Variants in FBXO41 observed in about 807,000 individuals in gnomAD.
The protein encoded by FBXO41 is F-box protein 41.
FBXO41 carries 33 observed loss-of-function variants against 81.6 expected under a neutral mutation model. The ratio of observed to expected loss-of-function variants is 0.40; its 90% confidence interval spans 0.31 to 0.54. The LOEUF (loss-of-function observed/expected upper bound fraction) is 0.54, where lower values mean the gene tolerates loss of function less well. Among genes scored for constraint, FBXO41 ranks in the 20% least tolerant of loss-of-function variants. The probability of loss-of-function intolerance (pLI) is 0.39; values close to 1 mark genes in which losing one functional copy is unlikely to be tolerated. For missense variants in FBXO41, 1,107 were observed against 1,236.0 expected (o/e 0.90, Z 1.56); for synonymous variants, 576 against 552.7 (o/e 1.04, Z -0.59).
At chr2:73,268,690 G>C in intron 2 of FBXO41, 36 bp downstream of exon 2, 1 of 1,486,282 alleles carries the variant, frequency 6.7e-7, no homozygotes, top group South Asian at 1.4e-5. Context: ...ACCCGCACAG[G>C]CACAACCACT....
At chr2:73,264,973 G>A (rs1028194535) in intron 5 of FBXO41, among the ~76,000 whole-genome samples, 1 of 152,074 alleles carries the variant, frequency 6.6e-6, no homozygotes, top group Non-Finnish European at 1.5e-5. Flanking sequence ...ACGGTGGGGG[G>A]CCTCTCCCCC....
At chr2:73,278,983 T>A (rs1242664444) in intron 1 of FBXO41, among the ~76,000 whole-genome samples, 1 of 152,174 alleles carries the variant, frequency 6.6e-6, no homozygotes, top group African/African-American at 2.4e-5. Context: ...AAGGGCTTGA[T>A]CAGATTTACA....
At chr2:73,270,923 C>T in intron 1 of FBXO41, 1 of 534,526 alleles carries the variant, frequency 1.9e-6, no homozygotes, top group South Asian at 1.4e-5. Flanking sequence ...CATCAAGGGT[C>T]TTCACCTACT....
intron 1 of FBXO41, among the ~76,000 whole-genome samples, chr2:73,275,499 C>T (rs1189350427): frequency 2.0e-5 from 3 of 151,976 alleles, no homozygotes; most frequent in African/African-American, 7.3e-5. Context: ...CATTTTATAA[C>T]CCAGCTAGAA....
At position 73,258,820 on chromosome 2, in the gene FBXO41, TCTGCTGCTCCAGGAGGA is replaced by T; in HGVS notation, c.*145_*161del. On this transcript the variant is annotated 3_prime_UTR_variant, in exon 13 of 13. Transcript: ENST00000520530. ...CAGTGCCCTGGGTCAGGCCTGTTGC[TCTGCTGCTCCAGGAGGA>T]GGACAGGAGACTTGACAGTCCCCCT... The T allele has an allele frequency of 1.3e-6, 1 of 787,518 alleles. No individual in the cohort carries two copies. The highest frequency in any genetic ancestry group is 2.0e-6 in the Non-Finnish European group (1 of 510,364). 48.8% of individuals were successfully genotyped at this position (787,518 alleles called of 1,614,324 possible).
In FBXO41 at chr2:73,260,289, G is replaced by T; in HGVS notation, c.2449+100C>A. On this transcript the variant is annotated intron_variant, in intron 11 of 12. Coordinates refer to ENST00000520530, the MANE Select transcript of FBXO41 (RefSeq NM_001371389.2). This position sits in a 1 kb window ranked among gnomAD's most constrained non-coding sequence, Gnocchi z 5.0. ...CCCCCTGCCTCTGCCCTTGGCTGGA[G>T]ACTCTGATCCATCTGCCCCAGTGAT... 6.9e-7 allele frequency: 1 copy of T among 1,451,688 alleles called. No individual in the cohort carries two copies. Among genetic ancestry groups the T allele is most frequent in the East Asian group, 2.5e-5 (1 of 40,260 alleles). The allele number at this position is 1,451,688 out of a possible 1,614,324, so 89.9% of individuals were successfully genotyped here. A position where few individuals can be genotyped will look rare whatever the true frequency, so the allele number is the denominator to read the frequency against.
rs1031640859 is a variant in FBXO41 at position 73,258,059 on chromosome 2, A to G, written c.*923T>C. The G allele has an allele frequency of 6.6e-6, 1 of 152,260 alleles. No individual in the cohort carries two copies. The highest frequency in any genetic ancestry group is 1.5e-5 in the Non-Finnish European group (1 of 68,072). The allele number at this position is 152,260 out of a possible 1,614,324, so 9.4% of individuals were successfully genotyped here. A position where few individuals can be genotyped will look rare whatever the true frequency, so the allele number is the denominator to read the frequency against. ...AGACAGCCTTGGTGACCCGAAGGCC[A>G]TCGGGTTCCTGCCCAAGCACCTGGA... is the stretch of plus-strand genomic sequence containing the variant. On this transcript the variant is annotated 3_prime_UTR_variant, in exon 13 of 13. Transcript: ENST00000520530.
rs1687812857 is a variant in FBXO41 at position 73,256,379 on chromosome 2, C to A, written c.*2603G>T. ...AAAAGCTCCCTACTCAGCAGCAGAG[C>A]TCATCCCCGAGGAGAGAACAAAAGA... On this transcript the variant is annotated 3_prime_UTR_variant, in exon 13 of 13. Transcript: ENST00000520530. 1 of 152,442 alleles carries A rather than the reference C, an allele frequency of 6.6e-6. No homozygotes were observed. Among genetic ancestry groups the A allele is most frequent in the Non-Finnish European group, 1.5e-5 (1 of 68,224 alleles). The allele number at this position is 152,442 out of a possible 1,614,324, so 9.4% of individuals were successfully genotyped here. A position where few individuals can be genotyped will look rare whatever the true frequency, so the allele number is the denominator to read the frequency against.
At chr2:73,274,368 C>T (rs959292219) in intron 1 of FBXO41, among the ~76,000 whole-genome samples, 6 of 152,140 alleles carry the variant, frequency 3.9e-5, no homozygotes, top group Non-Finnish European at 5.9e-5. Context: ...ATTTTCTTAT[C>T]GATTTACAAA....
intron 8 of FBXO41, among the ~76,000 whole-genome samples, 161 bp downstream of exon 8, chr2:73,263,517 C>T (rs1688098048): frequency 6.6e-6 from 1 of 152,030 alleles, no homozygotes; most frequent in African/African-American, 2.4e-5. Flanking sequence ...GAGTCGCCCA[C>T]AGTGGTGGCC....
chr2:73,265,272 C>A lies in FBXO41; in HGVS notation c.1564+10G>T, dbSNP rs371632758. 6.3e-7 allele frequency: 1 copy of A among 1,590,218 alleles called. No individual in the cohort carries two copies. Among genetic ancestry groups the A allele is most frequent in the Non-Finnish European group, 8.5e-7 (1 of 1,170,664 alleles). On this transcript the variant is annotated intron_variant, in intron 5 of 12. Transcript: ENST00000520530. The stretch of plus-strand genomic sequence containing the variant: ...ACCTGTGTCCCCCTGCCCAGCCTTC[C>A]GGGACCTACCTGAGAGCCGGCAGCT...
Position 73,266,331 on chromosome 2 carries a change from C to G in FBXO41, c.1131+126G>C, listed in dbSNP as rs1688274462. The stretch of plus-strand genomic sequence containing the variant: ...GGGGCTCCCCTGTTCCTGGCATCTG[C>G]TGGTGGGGTAAAAGCCAAAGAAGGG... On this transcript the variant is annotated intron_variant, in intron 3 of 12. Transcript: ENST00000520530. The surrounding 1 kb of genome is among the most constrained non-coding windows in gnomAD (Gnocchi z 5.3). The G allele has an allele frequency of 8.6e-7, 1 of 1,161,792 alleles. No individual in the cohort carries two copies. The highest frequency in any genetic ancestry group is 1.2e-6 in the Non-Finnish European group (1 of 843,884). The allele number at this position is 1,161,792 out of a possible 1,614,324, so 72.0% of individuals were successfully genotyped here. A position where few individuals can be genotyped will look rare whatever the true frequency, so the allele number is the denominator to read the frequency against.
At chr2:73,261,465 C>T (rs1381761356) in intron 9 of FBXO41, among the ~76,000 whole-genome samples, 1 of 152,140 alleles carries the variant, frequency 6.6e-6, no homozygotes, top group African/African-American at 2.4e-5. Flanking sequence ...CCCCTCATTC[C>T]TACATCCACT....
intron 8 of FBXO41, 74 bp from the exon 9 acceptor site, chr2:73,263,382 A>G (rs185146871): frequency 4.3e-5 from 52 of 1,208,994 alleles, no homozygotes; most frequent in Non-Finnish European, 5.4e-5. Context: ...TGGGAGGTCA[A>G]GGCCGAGGTT....
chr2:73,263,439 C>T (rs189610781), intron 8 of FBXO41, 131 bp from the exon 9 acceptor site: 69 of 752,834 alleles, frequency 9.2e-5, no homozygotes, highest in Middle Eastern at 3.9e-4. Context: ...GGCAATACGG[C>T]GAGACCCCGT....
rs373913609 is a variant in FBXO41, at chr2:73,259,251, G to A, written c.2495C>T (p.Ala832Val). ...LKSIVVQIGI[A>V]DYFKEPSSPE... ...GCTGCTGGGCTCTTTGAAATAATCC[G>A]CAATCCCAATCTGGACCACAATGGA... is the stretch of plus-strand genomic sequence containing the variant. The change falls in exon 12 of 13, where the codon GCG becomes GTG. Residue 832 changes from alanine (A) to valine (V), a missense_variant. Physicochemically the swap from Ala to Val is moderately conservative, Grantham distance 64. Coordinates refer to ENST00000520530, the MANE Select transcript of FBXO41 (RefSeq NM_001371389.2). This position sits in a 1 kb window ranked among gnomAD's most constrained non-coding sequence, Gnocchi z 4.2. 15 of 1,614,010 alleles carry A rather than the reference G, an allele frequency of 9.3e-6. No individual in the cohort carries two copies. The highest frequency in any genetic ancestry group is 3.3e-5 in the South Asian group (3 of 91,090).
At chr2:73,276,663 G>T (rs1688700039) in intron 1 of FBXO41, among the ~76,000 whole-genome samples, 1 of 149,890 alleles carries the variant, frequency 6.7e-6, no homozygotes, top group African/African-American at 2.5e-5. Context: ...GAAAAAAAAA[G>T]ATAACTGCTG....
rs962137864 is a variant in FBXO41, at chr2:73,260,782, C to A, written c.2248G>T (p.Val750Phe). The A allele has an allele frequency of 6.4e-7, 1 of 1,564,126 alleles. No individual in the cohort carries two copies. The highest frequency in any genetic ancestry group is 1.4e-5 in the African/African-American group (1 of 73,932). Residue 750 changes from valine to phenylalanine, a missense_variant, in exon 10 of 13, where the codon GTC (valine) becomes TTC (phenylalanine). Physicochemically the swap from Val to Phe is conservative, Grantham distance 50. This residue lies in a region of FBXO41 where 336 missense variants were observed against 446.7 expected (regional missense o/e 0.75). Coordinates refer to ENST00000520530, the MANE Select transcript of FBXO41 (RefSeq NM_001371389.2). The surrounding 1 kb of genome is among the most constrained non-coding windows in gnomAD (Gnocchi z 5.0). ...TGCACCCCACAGCCGGCACCCCCGACCCCCAGGGCCCGCAGGTGGGGCCAA... is the reference window on the plus strand; with the variant it reads ...TGCACCCCACAGCCGGCACCCCCGAACCCCAGGGCCCGCAGGTGGGGCCAA... ...RCWPHLRALG[V>F]GGAGCGVQGL...
At position 73,260,500 on chromosome 2, in the gene FBXO41, C is replaced by G. The variant is rs772490678; in HGVS notation, c.2338G>C (p.Glu780Gln). 1.9e-6 allele frequency: 3 copies of G among 1,602,454 alleles called. No individual in the cohort carries two copies. In the East Asian group the frequency reaches 6.8e-5, roughly 36 times the overall value. The change falls in exon 11 of 13, where the codon GAG becomes CAG. Residue 780 changes from glutamate (E) to glutamine (Q), a missense_variant. By Grantham distance (29) the Glu-to-Gln change is conservative. Coordinates refer to ENST00000520530, the MANE Select transcript of FBXO41 (RefSeq NM_001371389.2). The surrounding 1 kb of genome is among the most constrained non-coding windows in gnomAD (Gnocchi z 5.0). ...TCTGCTGCCACCTCCTGGGTGATCT[C>G]TGACACGTGGTCAAGCTCCAGGACC... ...LQVLELDHVS[E>Q]ITQEVAAEVC...
Sources: allele counts gnomAD v4.1 joint callset (sites outside exome capture counted in the v4.1 genomes callset), GRCh38; gene constraint gnomAD v4.1.1; regional missense constraint gnomAD v4.1.1; non-coding constraint Gnocchi (gnomAD v3.1); transcripts MANE v1.5; gene names NCBI Gene and HGNC (gene_info 2026-07-23, HGNC 2026-07-21).